The following CTNND2 variants were observed in gnomAD, a reference collection of about 807,000 sequenced individuals.
The protein encoded by CTNND2 is catenin delta-2.
In CTNND2, 22 loss-of-function variants were observed where a neutral mutation model predicts 144.4. The ratio of observed to expected loss-of-function variants is 0.15; its 90% CI spans 0.11 to 0.22. CTNND2 has a LOEUF of 0.22. Among genes scored for constraint, CTNND2 ranks in the 10% least tolerant of loss-of-function variants. CTNND2 has a pLI of 1.00. For synonymous variants in CTNND2, 751 were observed against 695.6 expected (o/e 1.08, Z -1.25); for missense variants, 1,353 against 1,618.8 (o/e 0.84, Z 2.82).
chr5:11,427,576 G>A (rs1003532276), intron 3 of CTNND2, among the ~76,000 whole-genome samples: 2 of 152,150 alleles, frequency 1.3e-5, no homozygotes, highest in East Asian at 3.9e-4. Context: ...CACTATGCCT[G>A]GTCCCCATCT....
intron 1 of CTNND2, among the ~76,000 whole-genome samples, chr5:11,831,495 C>T (rs1793898926): frequency 6.6e-6 from 1 of 151,838 alleles, no homozygotes; most frequent in Non-Finnish European, 1.5e-5. Flanking sequence ...GGTGAAACCC[C>T]GTCTCTACTA....
In CTNND2 at chr5:11,308,263, C is replaced by T. The variant is rs150227526; in HGVS notation, c.1628+38109G>A. On this transcript the variant is annotated intron_variant, in intron 9 of 21. Transcript: ENST00000304623. ...TAAAGCAAGCTATCTATTCAATTTG[C>T]AAACAGGCTCTTAATGTATCACATA... Among the ~76,000 whole-genome samples, 246 of 150,794 alleles carry T rather than the reference C, an allele frequency of 1.6e-3. 1 individual carries two copies. The highest frequency in any genetic ancestry group is 5.6e-3 in the African/African-American group (227 of 40,714).
intron 1 of CTNND2, among the ~76,000 whole-genome samples, chr5:11,736,632 A>G (rs1027432170): frequency 2.6e-5 from 4 of 152,174 alleles, no homozygotes; most frequent in Non-Finnish European, 5.9e-5. Context: ...AAAAAGTGTT[A>G]AACTTCTAAC....
At chr5:11,429,039 T>C (rs1005736339) in intron 3 of CTNND2, among the ~76,000 whole-genome samples, 11 of 152,142 alleles carry the variant, frequency 7.2e-5, no homozygotes, top group African/African-American at 1.7e-4. Flanking sequence ...CCCTTAAACA[T>C]AGCATATACC....
intron 3 of CTNND2, among the ~76,000 whole-genome samples, chr5:11,426,378 A>G (rs549912531): frequency 6.6e-6 from 1 of 152,332 alleles, no homozygotes; most frequent in African/African-American, 2.4e-5. Flanking sequence ...GCAGTTGCAC[A>G]GAGTCCCACA....
intron 16 of CTNND2, among the ~76,000 whole-genome samples, chr5:11,033,643 A>T (rs1195302632): frequency 1.3e-5 from 2 of 152,162 alleles, no homozygotes. Context: ...AGCTTGGCCA[A>T]CATGGTGAAA....
rs193143522 is a variant in CTNND2 at position 11,541,848 on chromosome 5, C to A, written c.287+23096G>T. Among the ~76,000 whole-genome samples, 10 of 147,590 alleles carry A rather than the reference C, an allele frequency of 6.8e-5. No individual in the cohort carries two copies. In the East Asian group the frequency reaches 8.0e-4, roughly 12 times the overall value. The stretch of plus-strand genomic sequence containing the variant: ...TATTATTTATTATCGACCCCCCCCC[C>A]CCGGCCAAAAGCCTTTTCCAACTTT... On this transcript the variant is annotated intron_variant, in intron 3 of 21. Transcript: ENST00000304623.
At chr5:11,717,328 C>A (rs1265742627) in intron 2 of CTNND2, among the ~76,000 whole-genome samples, 1 of 151,490 alleles carries the variant, frequency 6.6e-6, no homozygotes, top group Non-Finnish European at 1.5e-5. Flanking sequence ...AATCCCAGCA[C>A]TTTGGGAGGC....
chr5:11,250,717 A>C (rs1743536973), intron 9 of CTNND2, among the ~76,000 whole-genome samples: 1 of 151,674 alleles, frequency 6.6e-6, no homozygotes, highest in African/African-American at 2.4e-5. Context: ...GGGTCTCACT[A>C]GGTTGCTCAG....
intron 1 of CTNND2, among the ~76,000 whole-genome samples, chr5:11,750,567 T>C (rs1788555437): frequency 6.6e-6 from 1 of 151,888 alleles, no homozygotes; most frequent in Non-Finnish European, 1.5e-5. Context: ...AGTCTAAATT[T>C]CTCTTGAAAA....
At chr5:11,035,969 T>A (rs1744024641) in intron 16 of CTNND2, among the ~76,000 whole-genome samples, 1 of 152,188 alleles carries the variant, frequency 6.6e-6, no homozygotes, top group Non-Finnish European at 1.5e-5. Context: ...AAATGTTACA[T>A]GAGTAGGGTA....
chr5:11,428,863 T>C (rs1282967456), intron 3 of CTNND2, among the ~76,000 whole-genome samples: 3 of 152,236 alleles, frequency 2.0e-5, no homozygotes, highest in African/African-American at 7.2e-5. Flanking sequence ...ATAAGAACAT[T>C]CAAGAATCAG....
chr5:11,312,600 T>C (rs977456933), intron 9 of CTNND2, among the ~76,000 whole-genome samples: 3 of 144,940 alleles, frequency 2.1e-5, no homozygotes, highest in African/African-American at 7.5e-5. Context: ...TTCTGGGAGA[T>C]ACAATTCAAG....
chr5:11,844,385 CACACACACAT>C (rs201066552), intron 1 of CTNND2, among the ~76,000 whole-genome samples: 9 of 151,960 alleles, frequency 5.9e-5, no homozygotes, highest in Middle Eastern at 3.2e-3. Flanking sequence ...CATATGCACA[CACACACACAT>C]ACACACACAT....
At chr5:11,902,362 A>G (rs2126354698) in intron 1 of CTNND2, among the ~76,000 whole-genome samples, 1 of 152,302 alleles carries the variant, frequency 6.6e-6, no homozygotes, top group Non-Finnish European at 1.5e-5. Context: ...CCCCAAAATA[A>G]TGACAGGTTC....
At chr5:11,517,059 A>G (rs1772227294) in intron 3 of CTNND2, among the ~76,000 whole-genome samples, 1 of 152,190 alleles carries the variant, frequency 6.6e-6, no homozygotes, top group South Asian at 2.1e-4. Context: ...ACAAATTCCA[A>G]TATTCCAGAT....
chr5:11,450,758 C>T (rs1338684029), intron 3 of CTNND2, among the ~76,000 whole-genome samples: 2 of 152,080 alleles, frequency 1.3e-5, no homozygotes, highest in Non-Finnish European at 1.5e-5. Context: ...ATTAGTTGGG[C>T]GTGGTGGCGC....
At chr5:11,105,816 G>T (rs1752367334) in intron 14 of CTNND2, among the ~76,000 whole-genome samples, 1 of 152,180 alleles carries the variant, frequency 6.6e-6, no homozygotes, top group Non-Finnish European at 1.5e-5. Context: ...TCCAGGACAT[G>T]AAATATCATG....
chr5:11,179,928 A>C (rs2149797560), intron 11 of CTNND2, among the ~76,000 whole-genome samples: 1 of 152,336 alleles, frequency 6.6e-6, no homozygotes, highest in South Asian at 2.1e-4. Flanking sequence ...ATTTGCTGGA[A>C]ATAATAAACT....
Sources: gnomAD v4.1 joint callset for allele counts (sites outside exome capture counted in the v4.1 genomes callset) on GRCh38, gnomAD v4.1.1 for gene constraint, MANE v1.5 for transcripts, NCBI Gene and HGNC (gene_info 2026-07-23, HGNC 2026-07-21) for gene names.